The following ROBO2 variants were observed in gnomAD, a reference collection of about 807,000 sequenced individuals.
ROBO2 encodes the protein roundabout homolog 2.
In ROBO2, 53 loss-of-function variants were observed where a neutral mutation model predicts 160.8. That is an observed-to-expected ratio of 0.33 (90% CI 0.26 to 0.41). The LOEUF (loss-of-function observed/expected upper bound fraction) is 0.41. Among genes scored for constraint, ROBO2 ranks in the 10% least tolerant of loss-of-function variants. The pLI is 1.00. For synonymous variants in ROBO2, 664 were observed against 611.7 expected (o/e 1.09, Z -1.26); for missense variants, 1,577 against 1,722.4 (o/e 0.92, Z 1.49).
intron 2 of ROBO2, among the ~76,000 whole-genome samples, chr3:76,399,240 T>C (rs2077670187): frequency 6.6e-6 from 1 of 151,666 alleles, no homozygotes; most frequent in African/African-American, 2.4e-5. Flanking sequence ...ATAAGATAAG[T>C]AGAGAAACAG....
chr3:76,157,575 G>C (rs2072457258), intron 2 of ROBO2, among the ~76,000 whole-genome samples: 1 of 152,146 alleles, frequency 6.6e-6, no homozygotes. Context: ...TAATGTGAGA[G>C]AAGTGGTGGT....
chr3:77,577,700 G>A (rs554172065), intron 15 of ROBO2, 86 bp downstream of exon 16: 3 of 1,488,384 alleles, frequency 2.0e-6, no homozygotes, highest in East Asian at 2.3e-5. Flanking sequence ...CATCTCTAAA[G>A]GTTCTCTTAT....
intron 2 of ROBO2, among the ~76,000 whole-genome samples, chr3:76,020,692 A>T (rs1395563806): frequency 6.6e-6 from 1 of 151,588 alleles, no homozygotes; most frequent in Non-Finnish European, 1.5e-5. Context: ...TATTTTTGTT[A>T]TTTCACACAG....
At position 77,327,188 on chromosome 3, in the gene ROBO2, A is replaced by C. The variant is rs2065483458; in HGVS notation, c.389-150226A>C. 2.0e-5 allele frequency among the ~76,000 whole-genome samples: 3 copies of C among 152,206 alleles called. No homozygotes were observed. In the South Asian group the frequency reaches 6.2e-4, roughly 31 times the overall value. ...GCCTATTGAACTCTCAATGTAGCCG[A>C]ATATACCTTATGTAACTAGTACAAG... is the stretch of plus-strand genomic sequence containing the variant. On this transcript the variant is annotated intron_variant, in intron 2 of 25. Transcript: ENST00000461745.
chr3:76,631,136 G>A (rs1185826106), intron 2 of ROBO2, among the ~76,000 whole-genome samples: 1 of 151,984 alleles, frequency 6.6e-6, no homozygotes. Context: ...ATATAATTGA[G>A]AAAAAGGCAG....
chr3:76,064,356 A>C (rs2068173687), intron 2 of ROBO2, among the ~76,000 whole-genome samples: 1 of 152,134 alleles, frequency 6.6e-6, no homozygotes, highest in Admixed American at 6.5e-5. Flanking sequence ...CTCGGCTGCA[A>C]ATCCTCTGGC....
intron 2 of ROBO2, among the ~76,000 whole-genome samples, chr3:77,312,017 C>T (rs191627658): frequency 1.3e-5 from 2 of 151,960 alleles, no homozygotes; most frequent in African/African-American, 2.4e-5. Flanking sequence ...ACCTGGGAGG[C>T]GGAGGTTGCA....
chr3:76,827,106 G>T (rs5745844), intron 2 of ROBO2, among the ~76,000 whole-genome samples: 1 of 152,208 alleles, frequency 6.6e-6, no homozygotes, highest in Admixed American at 6.5e-5. Context: ...CATTGGTATC[G>T]TTCAGAAATT....
chr3:76,964,396 G>A (rs1373753329), intron 2 of ROBO2, among the ~76,000 whole-genome samples: 8 of 152,016 alleles, frequency 5.3e-5, no homozygotes, highest in African/African-American at 7.2e-5. Flanking sequence ...AAACTAGAGC[G>A]CAGTGGCGTG....
At chr3:76,989,744 G>A (rs1160986248) in intron 2 of ROBO2, among the ~76,000 whole-genome samples, 1 of 152,044 alleles carries the variant, frequency 6.6e-6, no homozygotes, top group Non-Finnish European at 1.5e-5. Context: ...ACTGATATAA[G>A]ACTAGAGAGA....
At chr3:77,420,345 A>T (rs900654715) in intron 2 of ROBO2, among the ~76,000 whole-genome samples, 1 of 152,090 alleles carries the variant, frequency 6.6e-6, no homozygotes, top group Non-Finnish European at 1.5e-5. Context: ...GTGTGTATGC[A>T]TATGGTATAT....
chr3:76,052,126 A>G (rs1374979843), intron 2 of ROBO2, among the ~76,000 whole-genome samples: 1 of 152,126 alleles, frequency 6.6e-6, no homozygotes, highest in Non-Finnish European at 1.5e-5. Context: ...GTGAACAACA[A>G]TGTCATAGGA....
At chr3:76,868,001 G>A (rs780523603) in intron 2 of ROBO2, among the ~76,000 whole-genome samples, 1 of 151,976 alleles carries the variant, frequency 6.6e-6, no homozygotes, top group Admixed American at 6.6e-5. Flanking sequence ...CTCTCCCCTC[G>A]AGATACAAAA....
chr3:77,324,409 A>AT (rs2065139936), intron 2 of ROBO2, among the ~76,000 whole-genome samples: 2 of 152,146 alleles, frequency 1.3e-5, no homozygotes, highest in Non-Finnish European at 2.9e-5. Flanking sequence ...ATATTCCATT[A>AT]TTTTTTGTGG....
chr3:76,265,483 C>G (rs1707041294), intron 2 of ROBO2, among the ~76,000 whole-genome samples: 1 of 152,118 alleles, frequency 6.6e-6, no homozygotes, highest in Admixed American at 6.6e-5. Context: ...CTTGTCACCA[C>G]TACATGAAAT....
intron 2 of ROBO2, among the ~76,000 whole-genome samples, chr3:77,340,760 T>C (rs1408420280): frequency 6.6e-6 from 1 of 152,128 alleles, no homozygotes; most frequent in Non-Finnish European, 1.5e-5. Flanking sequence ...ACTAGACTAG[T>C]TACTAATCAT....
At chr3:77,012,726 C>T (rs902388111) in intron 2 of ROBO2, among the ~76,000 whole-genome samples, 10 of 152,128 alleles carry the variant, frequency 6.6e-5, no homozygotes, top group African/African-American at 2.4e-4. Context: ...TTTAAAAATT[C>T]AGGTTGTCAG....
intron 20 of ROBO2, chr3:77,603,105 G>C (rs923052198): frequency 2.2e-6 from 1 of 456,262 alleles, no homozygotes; most frequent in African/African-American, 2.0e-5. Context: ...TGTCACCAGC[G>C]TATGACCTGT....
At chr3:77,108,413 T>C (rs2073141654) in intron 2 of ROBO2, among the ~76,000 whole-genome samples, 1 of 152,004 alleles carries the variant, frequency 6.6e-6, no homozygotes, top group South Asian at 2.1e-4. Flanking sequence ...CCTGGCCCTA[T>C]GTGACCCCCC....
Sources: allele counts gnomAD v4.1 joint callset (sites outside exome capture counted in the v4.1 genomes callset), GRCh38; gene constraint gnomAD v4.1.1; transcripts MANE v1.5; gene names NCBI Gene and HGNC (gene_info 2026-07-23, HGNC 2026-07-21).